Variants in GSTA2 observed in about 807,000 individuals in gnomAD.
GSTA2 encodes glutathione S-transferase alpha 2, also known as glutathione S-transferase A2.
A neutral mutation model predicts 22.4 loss-of-function variants in GSTA2; 27 were observed. The observed-to-expected ratio is 1.21, with a 90% confidence interval of 0.89 to 1.67. The LOEUF is 1.67. GSTA2 is among the 40% of genes most tolerant of loss of function. GSTA2 has a pLI of 0.00. For missense variants in GSTA2, 302 were observed against 260.2 expected, an observed-to-expected ratio of 1.16 and a Z score of -1.11; for synonymous variants, 121 against 86.8, an observed-to-expected ratio of 1.39 and a Z score of -2.19.
intron 1 of GSTA2, among the ~76,000 whole-genome samples, chr6:52,760,988 T>A (rs1226062292): frequency 6.6e-6 from 1 of 152,178 alleles, no homozygotes; most frequent in Non-Finnish European, 1.5e-5. Flanking sequence ...GTCTCTGAGG[T>A]TGTCCCAGTG....
rs1762714564 is a variant in GSTA2, at chr6:52,750,470, T to C, written c.*107A>G. 3.9e-6 allele frequency: 4 copies of C among 1,025,258 alleles called. No individual in the cohort carries two copies. The African/African-American group carries it at 4.9e-5, about 13-fold the overall frequency. 63.5% of individuals were successfully genotyped at this position (1,025,258 alleles called of 1,614,324 possible). A position where few individuals can be genotyped will look rare whatever the true frequency, so the allele number is the denominator to read the frequency against. ...TTAATTAGCATATAATTTGAAAGAG[T>C]TCATTAGCTTCACAACAGGCACAAT... On this transcript the variant is annotated 3_prime_UTR_variant, in exon 7 of 7. Coordinates refer to ENST00000493422, the MANE Select transcript of GSTA2 (RefSeq NM_000846.5).
intron 3 of GSTA2, among the ~76,000 whole-genome samples, chr6:52,755,654 C>G (rs1762828091): frequency 6.6e-6 from 1 of 151,960 alleles, no homozygotes; most frequent in African/African-American, 2.4e-5. Flanking sequence ...GTTGATTTAT[C>G]TTCATGGATA....
At chr6:52,753,668 G>T (rs1233068872) in intron 4 of GSTA2, among the ~76,000 whole-genome samples, 1 of 151,988 alleles carries the variant, frequency 6.6e-6, no homozygotes, top group Non-Finnish European at 1.5e-5. Flanking sequence ...TTCTTCTTTT[G>T]TGTCAAACTG....
chr6:52,763,442 A>C lies in GSTA2; in HGVS notation c.-31+2T>G, dbSNP rs1268804327. 5.5e-6 allele frequency: 1 copy of C among 183,398 alleles called. No homozygotes were observed. The highest frequency in any genetic ancestry group is 1.2e-5 in the Non-Finnish European group (1 of 86,332). 11.4% of individuals were successfully genotyped at this position (183,398 alleles called of 1,614,324 possible). On this transcript the variant is annotated splice_donor_variant, in intron 1 of 6. Coordinates refer to ENST00000493422, the MANE Select transcript of GSTA2 (RefSeq NM_000846.5). LOFTEE classifies it low-confidence loss of function (5UTR_SPLICE). ...AGAGAGATTTATAAGATCAGTACTTACTTTGTTAAATGCTGTCACCTTTGT... is the reference window on the plus strand; with the variant it reads ...AGAGAGATTTATAAGATCAGTACTTCCTTTGTTAAATGCTGTCACCTTTGT...
At chr6:52,753,036 C>T in intron 4 of GSTA2, 41 bp from the exon 5 acceptor site, 1 of 1,553,376 alleles carries the variant, frequency 6.4e-7, no homozygotes, top group Non-Finnish European at 8.7e-7. Flanking sequence ...TATCTTTTGC[C>T]TTAGATTTTA....
chr6:52,751,535 G>C, intron 6 of GSTA2, 42 bp downstream of exon 6: 2 of 1,613,134 alleles, frequency 1.2e-6, no homozygotes, highest in Non-Finnish European at 1.7e-6. Context: ...CCCAAGATGG[G>C]AGATGTGGGT....
chr6:52,759,559 A>ATT (rs1561897333), intron 1 of GSTA2, among the ~76,000 whole-genome samples: 8 of 30,924 alleles, frequency 2.6e-4, no homozygotes, highest in Non-Finnish European at 3.6e-4. Context: ...TAATGTATTT[A>ATT]TTTGTTTTTT....
chr6:52,754,882 A>T, intron 4 of GSTA2, 61 bp downstream of exon 4: 1 of 1,607,206 alleles, frequency 6.2e-7, no homozygotes, highest in South Asian at 1.1e-5. Context: ...CCACCCACTC[A>T]AGGAAGGACC....
chr6:52,762,295 G>A (rs1246791206), intron 1 of GSTA2, among the ~76,000 whole-genome samples: 1 of 152,160 alleles, frequency 6.6e-6, no homozygotes, highest in East Asian at 1.9e-4. Flanking sequence ...AGGCCTCTTT[G>A]CAGTTGAGAT....
intron 6 of GSTA2, 91 bp downstream of exon 6, chr6:52,751,486 G>C: frequency 6.2e-7 from 1 of 1,602,584 alleles, no homozygotes; most frequent in South Asian, 1.1e-5. Context: ...AGAAGGCTGG[G>C]GTCAAAACAT....
chr6:52,758,865 C>T (rs1366627461), intron 1 of GSTA2, among the ~76,000 whole-genome samples: 3 of 152,180 alleles, frequency 2.0e-5, no homozygotes, highest in African/African-American at 7.2e-5. Flanking sequence ...CTAAACTTCT[C>T]TTTGTTTTAT....
At position 52,753,005 on chromosome 6, in the gene GSTA2, A is replaced by T. The variant is rs1384052794; in HGVS notation, c.273-10T>A. On this transcript the variant is annotated splice_polypyrimidine_tract_variant and intron_variant, in intron 4 of 6. Coordinates refer to ENST00000493422, the MANE Select transcript of GSTA2 (RefSeq NM_000846.5). ...TATATACATATCAATCCTGAAAGAC[A>T]AAAACAACCAAATGGTCAAATATCT... 3 of 1,580,828 alleles carry T rather than the reference A, an allele frequency of 1.9e-6. No individual in the cohort carries two copies. Among genetic ancestry groups the T allele is most frequent in the Middle Eastern group, 1.7e-4 (1 of 5,946 alleles).
rs1762842284 is a variant in GSTA2, at chr6:52,756,254, T to C, written c.139+4A>G. 1 of 1,600,748 alleles carries C rather than the reference T, an allele frequency of 6.2e-7. No homozygotes were observed. Among genetic ancestry groups the C allele is most frequent in the African/African-American group, 1.3e-5 (1 of 74,754 alleles). On this transcript the variant is annotated splice_donor_region_variant and intron_variant, in intron 3 of 6. Coordinates refer to ENST00000493422, the MANE Select transcript of GSTA2 (RefSeq NM_000846.5). ...CATTAGAGAAACTTAGAGGTTGATC[T>C]TACCATTTCTTAACTTGTCCAAATC...
rs997021993 is a variant in GSTA2 at position 52,752,904 on chromosome 6, C to A, written c.364G>T (p.Ala122Ser). 2 of 1,614,052 alleles carry A rather than the reference C, an allele frequency of 1.2e-6. No individual in the cohort carries two copies. Among genetic ancestry groups the A allele is most frequent in the Non-Finnish European group, 1.7e-6 (2 of 1,179,948 alleles). Residue 122 changes from alanine (A) to serine (S), a missense_variant, in exon 5 of 7, where the codon GCC (alanine) becomes TCC (serine). Coordinates refer to ENST00000493422, the MANE Select transcript of GSTA2 (RefSeq NM_000846.5). ...SQPEEQDAKL[A>S]LIQEKTKNRY... Reference sequence around the variant, plus strand: ...TTTTTTGTTTTCTCTTGGATCAAGGCAAGCTTGGCATCTTGTTCCTCAGGT... The same window carrying A: ...TTTTTTGTTTTCTCTTGGATCAAGGAAAGCTTGGCATCTTGTTCCTCAGGT...
intron 1 of GSTA2, among the ~76,000 whole-genome samples, chr6:52,759,559 A>ATTTTTTTTTTTTTT (rs1561897333): frequency 3.2e-5 from 1 of 30,888 alleles, no homozygotes; most frequent in Non-Finnish European, 6.1e-5. Flanking sequence ...TAATGTATTT[A>ATTTTTTTTTTTTTT]TTTGTTTTTT....
intron 1 of GSTA2, among the ~76,000 whole-genome samples, chr6:52,758,711 C>T (rs1762895888): frequency 6.6e-6 from 1 of 152,114 alleles, no homozygotes; most frequent in African/African-American, 2.4e-5. Context: ...ATTGTTTATC[C>T]CTTGCTTCTT....
chr6:52,757,988 G>C lies in GSTA2; in HGVS notation c.-30-11C>G, dbSNP rs771481534. ...GAGGTTTCTCTAAGCCTGAGTGAATGAATGAATGAATGAATGAATAATTGA... is the reference window on the plus strand; with the variant it reads ...GAGGTTTCTCTAAGCCTGAGTGAATCAATGAATGAATGAATGAATAATTGA... On this transcript the variant is annotated splice_polypyrimidine_tract_variant and intron_variant, in intron 1 of 6. Transcript: ENST00000493422. The C allele has an allele frequency of 7.9e-7, 1 of 1,259,992 alleles. No individual in the cohort carries two copies. The highest frequency in any genetic ancestry group is 2.3e-5 in the East Asian group (1 of 43,082). 78.1% of individuals were successfully genotyped at this position (1,259,992 alleles called of 1,614,324 possible). A position where few individuals can be genotyped will look rare whatever the true frequency, so the allele number is the denominator to read the frequency against.
chr6:52,753,311 A>T (rs1581772273), intron 4 of GSTA2, among the ~76,000 whole-genome samples: 1 of 152,342 alleles, frequency 6.6e-6, no homozygotes, highest in Admixed American at 6.5e-5. Context: ...TGGTGGAATC[A>T]CTGCCAGTAC....
intron 3 of GSTA2, 72 bp downstream of exon 3, chr6:52,756,186 C>T: frequency 7.9e-6 from 8 of 1,011,258 alleles, no homozygotes; most frequent in Admixed American, 5.2e-5. Flanking sequence ...ATAGACATTG[C>T]CGGCTGCGCA....
Sources: allele counts gnomAD v4.1 joint callset (sites outside exome capture counted in the v4.1 genomes callset), GRCh38; gene constraint gnomAD v4.1.1; transcripts MANE v1.5; gene names NCBI Gene and HGNC (gene_info 2026-07-23, HGNC 2026-07-21).